The following VWDE variants were observed in gnomAD, a reference collection of about 807,000 sequenced individuals.
The protein encoded by VWDE is von Willebrand factor D and EGF domain-containing protein.
A neutral mutation model predicts 178.4 loss-of-function variants in VWDE; 207 were observed. The ratio of observed to expected loss-of-function variants is 1.16; its 90% CI spans 1.04 to 1.30. VWDE has a LOEUF of 1.30. VWDE is among the 50% of genes most tolerant of loss of function. The probability of loss-of-function intolerance (pLI) is 0.00; values close to 1 mark genes in which losing one functional copy is unlikely to be tolerated. For synonymous variants in VWDE, 738 were observed against 651.4 expected (o/e 1.13, Z -2.02); for missense variants, 2,287 against 1,901.3 (o/e 1.20, Z -3.77).
intron 13 of VWDE, among the ~76,000 whole-genome samples, chr7:12,364,542 T>C (rs1383787827): frequency 6.6e-6 from 1 of 152,082 alleles, no homozygotes; most frequent in Non-Finnish European, 1.5e-5. Context: ...AAATAAAGAA[T>C]GATAGCATTG....
At chr7:12,357,596 T>A (rs998115671) in intron 16 of VWDE, 81 bp from the exon 17 acceptor site, 3 of 1,445,854 alleles carry the variant, frequency 2.1e-6, no homozygotes, top group Non-Finnish European at 2.8e-6. Flanking sequence ...CACAGAGATA[T>A]GCATTTTGAT....
chr7:12,346,814 G>T (rs953901119), intron 19 of VWDE, among the ~76,000 whole-genome samples: 1 of 151,944 alleles, frequency 6.6e-6, no homozygotes, highest in African/African-American at 2.4e-5. Flanking sequence ...TTCATGCAAA[G>T]CTCTTCTCAA....
intron 1 of VWDE, among the ~76,000 whole-genome samples, chr7:12,398,996 G>A (rs1784755546): frequency 6.6e-6 from 1 of 151,982 alleles, no homozygotes; most frequent in Admixed American, 6.6e-5. Context: ...TCAGCATCAT[G>A]CGATGTACCT....
intron 15 of VWDE, among the ~76,000 whole-genome samples, chr7:12,360,037 C>A (rs927885150): frequency 1.3e-5 from 2 of 152,058 alleles, no homozygotes; most frequent in Non-Finnish European, 2.9e-5. Flanking sequence ...AAACCAACTT[C>A]TTTTTTTTCC....
intron 16 of VWDE, among the ~76,000 whole-genome samples, chr7:12,358,583 A>G (rs182795632): frequency 1.9e-3 from 292 of 152,274 alleles, no homozygotes; most frequent in African/African-American, 6.6e-3. Context: ...TAATGCCCCG[A>G]GATTGTAGCT....
intron 16 of VWDE, among the ~76,000 whole-genome samples, chr7:12,359,253 TG>T (rs1782439864): frequency 6.6e-6 from 1 of 152,186 alleles, no homozygotes; most frequent in Non-Finnish European, 1.5e-5. Context: ...CCAGATACCT[TG>T]TTTAACAAGT....
intron 16 of VWDE, among the ~76,000 whole-genome samples, chr7:12,358,807 C>G (rs891002245): frequency 9.8e-5 from 15 of 152,296 alleles, no homozygotes; most frequent in African/African-American, 3.6e-4. Context: ...GTATTTTCAT[C>G]TCTTGCACTA....
chr7:12,336,175 A>T lies in VWDE; in HGVS notation c.4620T>A (p.Cys1540Ter), dbSNP rs938120954. ...ACCGCACTCCTTCCCAGGAGGAAGG[A>T]CAATGGCATATGCTGGGCGCAATGC... ...GECIAPSICHCPSSWEGVRCQ... is the reference protein window; with the variant it reads ...GECIAPSICH Residue 1540 changes from cysteine (C) to a stop codon, truncating the protein, a stop_gained, in exon 27 of 29, where the codon TGT becomes TGA. Coordinates refer to ENST00000275358, the MANE Select transcript of VWDE (RefSeq NM_001135924.3). LOFTEE classifies it high-confidence loss of function. The T allele has an allele frequency of 1.3e-6, 2 of 1,551,358 alleles. No individual in the cohort carries two copies. The highest frequency in any genetic ancestry group is 1.4e-5 in the African/African-American group (1 of 73,048).
At chr7:12,335,629 G>C (rs528323864) in intron 27 of VWDE, among the ~76,000 whole-genome samples, 1 of 151,654 alleles carries the variant, frequency 6.6e-6, no homozygotes, top group South Asian at 2.1e-4. Flanking sequence ...CTAATTTTTT[G>C]TATTTTTAGT....
chr7:12,385,747 A>G (rs1420085810), intron 3 of VWDE, among the ~76,000 whole-genome samples: 2 of 152,218 alleles, frequency 1.3e-5, no homozygotes, highest in East Asian at 3.9e-4. Flanking sequence ...GCAAGCTTCT[A>G]TCGGCAAGCC....
At chr7:12,358,508 G>T (rs1448729175) in intron 16 of VWDE, among the ~76,000 whole-genome samples, 1 of 151,906 alleles carries the variant, frequency 6.6e-6, no homozygotes, top group Non-Finnish European at 1.5e-5. Flanking sequence ...TGGCTTAACA[G>T]TTGGAACAAA....
In VWDE at chr7:12,375,093, C is replaced by T. The variant is rs1783448288; in HGVS notation, c.1159G>A (p.Gly387Arg). Reference sequence around the variant, plus strand: ...ACTACAATGTTTGAGACTCTATCTCCATCTCGAGAAAAATCTGTGACAGCA... The same window carrying T: ...ACTACAATGTTTGAGACTCTATCTCTATCTCGAGAAAAATCTGTGACAGCA... ...YTAVTDFSRDGDRVSNIVVQP... is the reference protein window; with the variant it reads ...YTAVTDFSRDRDRVSNIVVQP... The change falls in exon 8 of 29, where the codon GGA (glycine) becomes AGA (arginine). Residue 387 changes from glycine (G) to arginine (R), a missense_variant. Coordinates refer to ENST00000275358, the MANE Select transcript of VWDE (RefSeq NM_001135924.3). 2 of 1,551,120 alleles carry T rather than the reference C, an allele frequency of 1.3e-6. No individual in the cohort carries two copies. Among genetic ancestry groups the T allele is most frequent in the Non-Finnish European group, 1.7e-6 (2 of 1,146,698 alleles).
At chr7:12,377,582 C>A in intron 7 of VWDE, 194 bp downstream of exon 7, 1 of 384,632 alleles carries the variant, frequency 2.6e-6, no homozygotes, top group Non-Finnish European at 4.6e-6. Flanking sequence ...TGCTTTCAGC[C>A]AAGAAGAAGA....
intron 2 of VWDE, among the ~76,000 whole-genome samples, chr7:12,391,131 A>G (rs146802637): frequency 6.6e-6 from 1 of 152,332 alleles, no homozygotes; most frequent in Admixed American, 6.5e-5. Flanking sequence ...TTGAACATAT[A>G]ACATGAACAT....
intron 1 of VWDE, among the ~76,000 whole-genome samples, chr7:12,395,996 T>C (rs1039359212): frequency 2.0e-5 from 3 of 152,148 alleles, no homozygotes; most frequent in Non-Finnish European, 4.4e-5. Flanking sequence ...AAAGTAGATA[T>C]AAAATATACA....
chr7:12,349,165 A>G (rs1458360853), intron 19 of VWDE, among the ~76,000 whole-genome samples: 3 of 152,040 alleles, frequency 2.0e-5, no homozygotes, highest in Admixed American at 2.0e-4. Flanking sequence ...AGCATGGCAC[A>G]TGTATACATA....
chr7:12,361,602 T>C (rs1350739512), intron 13 of VWDE, 81 bp from the exon 14 acceptor site: 6 of 1,315,640 alleles, frequency 4.6e-6, no homozygotes, highest in East Asian at 2.6e-5. Context: ...AATGAAAACA[T>C]AAATTTTAAA....
chr7:12,372,809 A>G (rs2128556268), intron 10 of VWDE, among the ~76,000 whole-genome samples, 168 bp downstream of exon 10: 1 of 152,252 alleles, frequency 6.6e-6, no homozygotes, highest in East Asian at 1.9e-4. Flanking sequence ...TGTTGTGTCT[A>G]TTTGTGTGTG....
chr7:12,375,623 C>G (rs982771054), intron 7 of VWDE, among the ~76,000 whole-genome samples: 1 of 151,880 alleles, frequency 6.6e-6, no homozygotes, highest in Non-Finnish European at 1.5e-5. Context: ...GGCCCAGATA[C>G]TTCTGTAATA....
Sources: allele counts gnomAD v4.1 joint callset (sites outside exome capture counted in the v4.1 genomes callset), GRCh38; gene constraint gnomAD v4.1.1; transcripts MANE v1.5; gene names NCBI Gene and HGNC (gene_info 2026-07-23, HGNC 2026-07-21).